Variants in RNLS observed in about 807,000 individuals in gnomAD.
RNLS encodes renalase, FAD dependent amine oxidase, also known as renalase.
A neutral mutation model predicts 39.8 loss-of-function variants in RNLS; 39 were observed. The ratio of observed to expected loss-of-function variants is 0.98; its 90% confidence interval spans 0.76 to 1.28. The LOEUF is 1.28. RNLS is among the 50% of genes most tolerant of loss of function. The probability of loss-of-function intolerance (pLI) is 0.00; values close to 1 mark genes in which losing one functional copy is unlikely to be tolerated. For missense variants in RNLS, 410 were observed against 413.3 expected, an observed-to-expected ratio of 0.99 and a Z score of 0.07; for synonymous variants, 147 against 150.7, an observed-to-expected ratio of 0.98 and a Z score of 0.18.
At chr10:88,282,007 G>T (rs1388859121), downstream of RNLS, among the ~76,000 whole-genome samples, 1 of 152,114 alleles carries the variant, frequency 6.6e-6, no homozygotes, top group Non-Finnish European at 1.5e-5. Context: ...CGGTGAGTCT[G>T]TACTGTAACC....
chr10:88,175,086 G>A, the RNLS span, among the ~76,000 whole-genome samples: 1 of 152,024 alleles, frequency 6.6e-6, no homozygotes, highest in Non-Finnish European at 1.5e-5. Context: ...TTGTATTTCT[G>A]TGGTATCAGT....
At chr10:88,520,834 A>AC (rs1245832307) in intron 4 of RNLS, among the ~76,000 whole-genome samples, 1 of 152,014 alleles carries the variant, frequency 6.6e-6, no homozygotes, top group Non-Finnish European at 1.5e-5. Flanking sequence ...AGTTTATACT[A>AC]CCTTAACAGT....
At chr10:88,220,764 C>T in the RNLS span, among the ~76,000 whole-genome samples, 3 of 152,126 alleles carry the variant, frequency 2.0e-5, no homozygotes, top group Non-Finnish European at 4.4e-5. Context: ...TGGACCTGAC[C>T]ATGTGTTGAG....
At chr10:88,539,603 T>C (rs1437270157) in intron 4 of RNLS, among the ~76,000 whole-genome samples, 2 of 152,124 alleles carry the variant, frequency 1.3e-5, no homozygotes, top group African/African-American at 4.8e-5. Context: ...TATTTATCCA[T>C]AGCATCTCAT....
the RNLS span, among the ~76,000 whole-genome samples, chr10:88,210,123 T>C: frequency 1.1e-4 from 17 of 152,342 alleles, no homozygotes; most frequent in Non-Finnish European, 1.9e-4. Flanking sequence ...TATTTTTGTT[T>C]AAAAAATTCC....
intron 5 of RNLS, among the ~76,000 whole-genome samples, chr10:88,327,651 A>G (rs61853517): frequency 0.44 from 67,317 of 151,552 alleles, 15,452 homozygotes; most frequent in South Asian, 0.58. Flanking sequence ...CTACTTTAAG[A>G]TTTGTTGATT....
chr10:88,219,928 T>G, the RNLS span, among the ~76,000 whole-genome samples: 2 of 152,154 alleles, frequency 1.3e-5, no homozygotes, highest in African/African-American at 4.8e-5. Context: ...CAGGGGAATC[T>G]CCTCTGGGGA....
the RNLS span, among the ~76,000 whole-genome samples, chr10:88,226,255 A>G: frequency 6.6e-6 from 1 of 152,336 alleles, no homozygotes; most frequent in African/African-American, 2.4e-5. Context: ...GGTTTGTGCA[A>G]CCCTTGGTTA....
chr10:88,239,978 C>T, the RNLS span, among the ~76,000 whole-genome samples: 1 of 152,124 alleles, frequency 6.6e-6, no homozygotes, highest in African/African-American at 2.4e-5. Flanking sequence ...CAAAATTTAA[C>T]CTTTTGTGAA....
chr10:88,173,452 G>C, the RNLS span, among the ~76,000 whole-genome samples: 1 of 152,120 alleles, frequency 6.6e-6, no homozygotes, highest in Non-Finnish European at 1.5e-5. Flanking sequence ...GCTCAGTATT[G>C]CTTTGGCTAT....
Position 88,284,504 on chromosome 10 carries a change from T to G in RNLS, c.*850A>C. The G allele has an allele frequency of 1.0e-6, 1 of 985,382 alleles. No individual in the cohort carries two copies. The highest frequency in any genetic ancestry group is 1.2e-6 in the Non-Finnish European group (1 of 829,912). 61.0% of individuals were successfully genotyped at this position (985,382 alleles called of 1,614,324 possible). A position where few individuals can be genotyped will look rare whatever the true frequency, so the allele number is the denominator to read the frequency against. On this transcript the variant is annotated 3_prime_UTR_variant, in exon 7 of 7. Coordinates refer to ENST00000331772, the MANE Select transcript of RNLS (RefSeq NM_001031709.3). ...CAAATATTGAACTATTTTAAGTGCA[T>G]CTATTTTCTGGTTCAGTAAATTTTT...
intron 4 of RNLS, among the ~76,000 whole-genome samples, chr10:88,441,997 C>T (rs1756683632): frequency 6.6e-6 from 1 of 152,082 alleles, no homozygotes; most frequent in South Asian, 2.1e-4. Context: ...TGATGCCCTC[C>T]CAAAAGGTTC....
chr10:88,436,529 C>T (rs1299428580), intron 4 of RNLS, among the ~76,000 whole-genome samples: 1 of 152,112 alleles, frequency 6.6e-6, no homozygotes, highest in African/African-American at 2.4e-5. Context: ...TCAATCCAAG[C>T]TTTTACCATT....
chr10:88,295,428 G>A (rs925192550), intron 6 of RNLS, among the ~76,000 whole-genome samples: 1 of 152,052 alleles, frequency 6.6e-6, no homozygotes, highest in African/African-American at 2.4e-5. Flanking sequence ...TGGTTCTTAT[G>A]TGTTGTGTTC....
chr10:88,524,960 C>T (rs2986120), intron 4 of RNLS, among the ~76,000 whole-genome samples: 24,491 of 88,134 alleles, frequency 0.28, 4,731 homozygotes, highest in East Asian at 0.4. Context: ...CACACACATA[C>T]ATATATATAT....
intron 4 of RNLS, among the ~76,000 whole-genome samples, chr10:88,511,086 T>A (rs1846097779): frequency 6.6e-6 from 1 of 151,192 alleles, no homozygotes; most frequent in Non-Finnish European, 1.5e-5. Context: ...AGAATATGGA[T>A]TAAGACGAGG....
At chr10:88,379,295 CAG>C (rs1330656330) in intron 4 of RNLS, among the ~76,000 whole-genome samples, 2 of 152,118 alleles carry the variant, frequency 1.3e-5, no homozygotes, top group African/African-American at 4.8e-5. Flanking sequence ...GCTATTTAAG[CAG>C]AGTGTACAAA....
rs1466916418 is a variant in RNLS, at chr10:88,284,931, T to C, written c.*423A>G. On this transcript the variant is annotated 3_prime_UTR_variant, in exon 7 of 7. Transcript: ENST00000331772. Reference sequence around the variant, plus strand: ...TGTTTTGTATAATTTGCAAAAATATTGATTCAAGGACACATCCGAAGACTT... The same window carrying C: ...TGTTTTGTATAATTTGCAAAAATATCGATTCAAGGACACATCCGAAGACTT... 8.1e-6 allele frequency: 8 copies of C among 986,052 alleles called. No homozygotes were observed. Among genetic ancestry groups the C allele is most frequent in the East Asian group, 1.1e-4 (1 of 8,832 alleles). 61.1% of individuals were successfully genotyped at this position (986,052 alleles called of 1,614,324 possible). A position where few individuals can be genotyped will look rare whatever the true frequency, so the allele number is the denominator to read the frequency against.
intron 4 of RNLS, among the ~76,000 whole-genome samples, chr10:88,514,855 T>A (rs1305055818): frequency 6.6e-6 from 1 of 152,096 alleles, no homozygotes; most frequent in Non-Finnish European, 1.5e-5. Flanking sequence ...TGCTGATATC[T>A]CTCTAAGAGC....
Sources: allele counts gnomAD v4.1 joint callset (sites outside exome capture counted in the v4.1 genomes callset), GRCh38; gene constraint gnomAD v4.1.1; transcripts MANE v1.5; gene names NCBI Gene and HGNC (gene_info 2026-07-23, HGNC 2026-07-21).